Variants in UNC13C observed in about 807,000 individuals in gnomAD.
UNC13C encodes unc-13 homolog C, also known as protein unc-13 homolog C.
In UNC13C, 174 loss-of-function variants were observed where a neutral mutation model predicts 245.4. The ratio of observed to expected loss-of-function variants is 0.71; its 90% confidence interval spans 0.63 to 0.80. The LOEUF (loss-of-function observed/expected upper bound fraction) is 0.80. UNC13C is among the 30% of genes least tolerant of loss of function. UNC13C has a pLI of 0.00. For missense variants in UNC13C, 2,829 were observed against 2,602.9 expected (o/e 1.09, Z -1.89); for synonymous variants, 992 against 895.1 (o/e 1.11, Z -1.93).
chr15:53,933,713 G>A, the UNC13C span, among the ~76,000 whole-genome samples: 4 of 152,114 alleles, frequency 2.6e-5, no homozygotes, highest in African/African-American at 4.8e-5. Flanking sequence ...TGCTCCCTCT[G>A]TTTTCTCAGC....
chr15:54,062,273 C>G (rs894377863), intron 2 of UNC13C, among the ~76,000 whole-genome samples: 1 of 150,840 alleles, frequency 6.6e-6, no homozygotes, highest in Non-Finnish European at 1.5e-5. Context: ...GAGCCGAGAT[C>G]GCCCATTGCA....
chr15:54,588,878 C>G (rs903033846), intron 30 of UNC13C, among the ~76,000 whole-genome samples: 1 of 152,152 alleles, frequency 6.6e-6, no homozygotes, highest in Non-Finnish European at 1.5e-5. Flanking sequence ...TTTATCCACT[C>G]GTTGATTGAT....
chr15:54,504,255 G>C (rs2141104946), intron 22 of UNC13C, among the ~76,000 whole-genome samples: 1 of 152,270 alleles, frequency 6.6e-6, no homozygotes, highest in South Asian at 2.1e-4. Context: ...TGCAGATACT[G>C]TGGTAAATGA....
chr15:54,105,600 G>A (rs1205736853), intron 2 of UNC13C, among the ~76,000 whole-genome samples: 2 of 152,022 alleles, frequency 1.3e-5, no homozygotes, highest in Non-Finnish European at 2.9e-5. Context: ...AGGTGACTAA[G>A]GAATAGAAAG....
chr15:53,933,222 C>T, the UNC13C span, among the ~76,000 whole-genome samples: 1 of 152,170 alleles, frequency 6.6e-6, no homozygotes, highest in African/African-American at 2.4e-5. Flanking sequence ...CCACTTCCCC[C>T]TACCATGAAA....
At chr15:53,942,622 T>C in the UNC13C span, among the ~76,000 whole-genome samples, 1 of 152,120 alleles carries the variant, frequency 6.6e-6, no homozygotes, top group African/African-American at 2.4e-5. Context: ...TGTGACTCAT[T>C]ATTATGCCTG....
At chr15:53,959,128 A>T in the UNC13C span, among the ~76,000 whole-genome samples, 1 of 152,158 alleles carries the variant, frequency 6.6e-6, no homozygotes, top group African/African-American at 2.4e-5. Context: ...ACAGGATTTC[A>T]TTCTTTTTTA....
downstream of UNC13C, chr15:54,629,252 T>C (rs111393281): frequency 1.7e-3 from 252 of 152,128 alleles, 2 homozygotes; most frequent in African/African-American, 5.9e-3. Context: ...ACATGGACAC[T>C]AAGGGGGCAA....
At chr15:54,195,985 T>C (rs891503614) in intron 4 of UNC13C, among the ~76,000 whole-genome samples, 1 of 152,136 alleles carries the variant, frequency 6.6e-6, no homozygotes, top group Non-Finnish European at 1.5e-5. Flanking sequence ...CCCTTTCTCA[T>C]AGAACCAAGT....
intron 18 of UNC13C, among the ~76,000 whole-genome samples, chr15:54,396,269 C>G (rs953958768): frequency 1.3e-5 from 2 of 151,606 alleles, no homozygotes; most frequent in African/African-American, 4.8e-5. Flanking sequence ...CTCCACCATC[C>G]CCAGGCAATG....
the UNC13C span, among the ~76,000 whole-genome samples, chr15:53,863,208 C>A: frequency 6.6e-6 from 1 of 152,144 alleles, no homozygotes; most frequent in Non-Finnish European, 1.5e-5. Context: ...CAAAGCCTAG[C>A]AAGGCAAATT....
intron 17 of UNC13C, among the ~76,000 whole-genome samples, chr15:54,381,805 A>C (rs917904228): frequency 2.0e-5 from 3 of 152,160 alleles, no homozygotes; most frequent in African/African-American, 7.2e-5. Context: ...CACAGTAATA[A>C]TGGAAGATTT....
At chr15:53,937,263 C>T in the UNC13C span, among the ~76,000 whole-genome samples, 3 of 134,596 alleles carry the variant, frequency 2.2e-5, no homozygotes, top group Admixed American at 7.1e-5. Flanking sequence ...GCAGAATAGG[C>T]CATGCAGAGG....
chr15:54,449,519 T>G (rs1209657460), intron 19 of UNC13C, among the ~76,000 whole-genome samples: 1 of 152,238 alleles, frequency 6.6e-6, no homozygotes, highest in Non-Finnish European at 1.5e-5. Context: ...CTTCATTTAA[T>G]TCATTTGATA....
chr15:54,531,312 T>C (rs1168361943), intron 25 of UNC13C, among the ~76,000 whole-genome samples: 2 of 152,162 alleles, frequency 1.3e-5, no homozygotes, highest in Admixed American at 6.5e-5. Flanking sequence ...GGTCCAAGGA[T>C]GAAGCCCAGA....
chr15:54,514,734 G>T (rs560442938), intron 24 of UNC13C, among the ~76,000 whole-genome samples: 1 of 152,226 alleles, frequency 6.6e-6, no homozygotes, highest in South Asian at 2.1e-4. Context: ...TTTCCCCCTG[G>T]AAATAAAAAG....
chr15:54,218,225 C>A (rs1285906783), intron 4 of UNC13C, among the ~76,000 whole-genome samples: 7 of 151,952 alleles, frequency 4.6e-5, no homozygotes, highest in African/African-American at 1.4e-4. Flanking sequence ...CCTTTCAACC[C>A]ACACATGTGC....
Position 53,996,180 on chromosome 15 carries a change from A to G in UNC13C, c.-256-16468A>G, listed in dbSNP as rs138947970. Among the ~76,000 whole-genome samples the G allele has an allele frequency of 4.4e-3, 668 of 152,340 alleles. 4 individuals are homozygous for G. The highest frequency in any genetic ancestry group is 0.015 in the African/African-American group (626 of 41,570). ...TGGAAAGGAAGAATTCTTGCATATTAGAGATGTACAGCAAACATACAGTAC... is the reference window on the plus strand; with the variant it reads ...TGGAAAGGAAGAATTCTTGCATATTGGAGATGTACAGCAAACATACAGTAC... On this transcript the variant is annotated intron_variant, in intron 1 of 32. Transcript: ENST00000260323.
intron 8 of UNC13C, among the ~76,000 whole-genome samples, chr15:54,260,893 A>G (rs988617899): frequency 1.3e-5 from 2 of 151,924 alleles, no homozygotes; most frequent in Admixed American, 6.6e-5. Context: ...TAAAGATGGT[A>G]AAATTGTTAA....
Sources: gnomAD v4.1 joint callset for allele counts (sites outside exome capture counted in the v4.1 genomes callset) on GRCh38, gnomAD v4.1.1 for gene constraint, MANE v1.5 for transcripts, NCBI Gene and HGNC (gene_info 2026-07-23, HGNC 2026-07-21) for gene names.